The following UBASH3A variants were observed in gnomAD, a reference collection of about 807,000 sequenced individuals.
The protein encoded by UBASH3A is ubiquitin-associated and SH3 domain-containing protein A.
A neutral mutation model predicts 73.5 loss-of-function variants in UBASH3A; 63 were observed. That is an observed-to-expected ratio of 0.86 (90% CI 0.70 to 1.06). The LOEUF (loss-of-function observed/expected upper bound fraction) is 1.06. Ranked by LOEUF, UBASH3A falls within the 50% of genes least tolerant of loss-of-function variation. The probability of loss-of-function intolerance (pLI) is 0.00; values close to 1 mark genes in which losing one functional copy is unlikely to be tolerated. For synonymous variants in UBASH3A, 363 were observed against 351.1 expected, an observed-to-expected ratio of 1.03 and a Z score of -0.38; for missense variants, 860 against 859.0, an observed-to-expected ratio of 1.00 and a Z score of -0.02.
chr21:42,444,799 G>A (rs1369952426), intron 14 of UBASH3A, among the ~76,000 whole-genome samples, 156 bp downstream of exon 14: 1 of 152,226 alleles, frequency 6.6e-6, no homozygotes, highest in African/African-American at 2.4e-5. Context: ...CGGCTCTTAT[G>A]CGAAGGGTGA....
At position 42,413,338 on chromosome 21, in the gene UBASH3A, G is replaced by A. The variant is rs2053139894; in HGVS notation, c.554-72G>A. 5 of 1,540,012 alleles carry A rather than the reference G, an allele frequency of 3.2e-6. 1 individual carries two copies. The Middle Eastern group carries it at 6.6e-4, about 203-fold the overall frequency. ...AGTGGGTGGGTTCCAGGGGAGCAGA[G>A]CCCAGCAGCAATGGTGGGATGGCTG... is the stretch of plus-strand genomic sequence containing the variant. On this transcript the variant is annotated intron_variant, in intron 4 of 14. Transcript: ENST00000319294. The surrounding 1 kb of genome is among the most constrained non-coding windows in gnomAD (Gnocchi z 4.5).
intron 11 of UBASH3A, among the ~76,000 whole-genome samples, chr21:42,439,647 A>C (rs1385873932): frequency 6.6e-6 from 1 of 151,760 alleles, no homozygotes; most frequent in African/African-American, 2.4e-5. Context: ...TACACAGCAC[A>C]CACATCCACA....
chr21:42,427,779 C>T (rs560801342), intron 8 of UBASH3A, among the ~76,000 whole-genome samples: 4 of 152,280 alleles, frequency 2.6e-5, no homozygotes, highest in African/African-American at 9.6e-5. Flanking sequence ...ATTCCCTAGT[C>T]CCCAGGGCCC....
intron 3 of UBASH3A, 70 bp from the exon 4 acceptor site, chr21:42,412,954 T>C: frequency 1.6e-6 from 2 of 1,283,954 alleles, no homozygotes; most frequent in Non-Finnish European, 2.2e-6. Context: ...GCCTGATTGT[T>C]ATTAATTAAA....
Position 42,403,917 on chromosome 21 carries a change from C to A in UBASH3A, c.-29C>A. On this transcript the variant is annotated 5_prime_UTR_variant, in exon 1 of 15. Coordinates refer to ENST00000319294, the MANE Select transcript of UBASH3A (RefSeq NM_018961.4). Reference sequence around the variant, plus strand: ...TTATCTCCTCATTTCTGTGTGCAGGCGAGCTTCTTGGCCTAAGGGCAGGAA... The same window carrying A: ...TTATCTCCTCATTTCTGTGTGCAGGAGAGCTTCTTGGCCTAAGGGCAGGAA... The A allele has an allele frequency of 2.1e-6, 3 of 1,396,094 alleles. No homozygotes were observed. The highest frequency in any genetic ancestry group is 2.9e-6 in the Non-Finnish European group (3 of 1,041,998). The allele number at this position is 1,396,094 out of a possible 1,614,324, so 86.5% of individuals were successfully genotyped here. A position where few individuals can be genotyped will look rare whatever the true frequency, so the allele number is the denominator to read the frequency against.
chr21:42,414,208 GTGTC>G (rs2053158453), intron 5 of UBASH3A, among the ~76,000 whole-genome samples: 2 of 152,170 alleles, frequency 1.3e-5, no homozygotes, highest in African/African-American at 4.8e-5. Context: ...CTCTGGGAGC[GTGTC>G]TGTCTGTGCT....
intron 12 of UBASH3A, 40 bp from the exon 13 acceptor site, chr21:42,443,272 A>C (rs754153642): frequency 1.3e-6 from 2 of 1,593,486 alleles, no homozygotes; most frequent in South Asian, 2.3e-5. Flanking sequence ...AATCCCTACG[A>C]AAGTGCCAGG....
chr21:42,432,378 C>A (rs1293323099), intron 9 of UBASH3A, among the ~76,000 whole-genome samples, 176 bp downstream of exon 9: 1 of 134,146 alleles, frequency 7.5e-6, no homozygotes, highest in South Asian at 2.1e-4. Flanking sequence ...CAGGGGTGTT[C>A]CATGTATGCA....
intron 10 of UBASH3A, among the ~76,000 whole-genome samples, chr21:42,436,990 T>C (rs992417878): frequency 2.6e-5 from 4 of 152,242 alleles, no homozygotes; most frequent in African/African-American, 7.2e-5. Context: ...AGCTCAAGTC[T>C]CCTTCCAGAC....
In UBASH3A at chr21:42,444,582, C is replaced by G; in HGVS notation, c.1787C>G (p.Thr596Arg). ...VSHGSTLDSC[T>R]RPLLGLPPRE... ...CACGGCTCCACTCTGGACTCCTGCACGCGGCCACTGCTCGGGCTGCCGCCC... is the reference window on the plus strand; with the variant it reads ...CACGGCTCCACTCTGGACTCCTGCAGGCGGCCACTGCTCGGGCTGCCGCCC... Residue 596 changes from threonine to arginine, a missense_variant, in exon 14 of 15, where the codon ACG becomes AGG. Thr to Arg is a moderately conservative substitution (Grantham distance 71, BLOSUM62 -1). Coordinates refer to ENST00000319294, the MANE Select transcript of UBASH3A (RefSeq NM_018961.4). 1 of 1,614,152 alleles carries G rather than the reference C, an allele frequency of 6.2e-7. No homozygotes were observed. The highest frequency in any genetic ancestry group is 8.5e-7 in the Non-Finnish European group (1 of 1,180,040).
intron 2 of UBASH3A, among the ~76,000 whole-genome samples, chr21:42,407,190 C>T (rs1406871110): frequency 1.3e-5 from 2 of 152,146 alleles, no homozygotes; most frequent in Non-Finnish European, 2.9e-5. Flanking sequence ...CTCTCCTACC[C>T]GGATGTGCTG....
intron 11 of UBASH3A, among the ~76,000 whole-genome samples, chr21:42,441,341 C>T (rs1387759931): frequency 6.6e-6 from 1 of 151,816 alleles, no homozygotes; most frequent in Non-Finnish European, 1.5e-5. Flanking sequence ...GTCTGGGAAG[C>T]TCTCACACTG....
intron 1 of UBASH3A, among the ~76,000 whole-genome samples, chr21:42,405,983 T>TGGC (rs1414898762): frequency 2.1e-3 from 129 of 60,656 alleles, no homozygotes; most frequent in East Asian, 0.01. Context: ...ATCTAGGCAG[T>TGGC]GGGGGGGGGG....
chr21:42,415,902 G>A (rs1276606216), intron 5 of UBASH3A, among the ~76,000 whole-genome samples: 3 of 152,150 alleles, frequency 2.0e-5, no homozygotes, highest in Admixed American at 2.0e-4. Context: ...AGACTGACCT[G>A]AGAGCCCCTG....
chr21:42,404,047 G>C lies in UBASH3A; in HGVS notation c.102G>C (p.Pro34=). Residue 34 remains proline, a synonymous_variant, in exon 1 of 15, where the codon CCG becomes CCC. Transcript: ENST00000319294. ...LLEPLLAMGF[P]VHTALKALAA... ...AGCCCCTCCTGGCCATGGGCTTCCC[G>C]GTGCACACCGCGTGAGTACTGCCCA... is the stretch of plus-strand genomic sequence containing the variant. 9 of 1,519,214 alleles carry C rather than the reference G, an allele frequency of 5.9e-6. No homozygotes were observed. The highest frequency in any genetic ancestry group is 8.0e-6 in the Non-Finnish European group (9 of 1,128,434). The allele number at this position is 1,519,214 out of a possible 1,614,324, so 94.1% of individuals were successfully genotyped here.
intron 10 of UBASH3A, 55 bp from the exon 11 acceptor site, chr21:42,437,433 C>A: frequency 6.6e-7 from 1 of 1,518,960 alleles, no homozygotes; most frequent in South Asian, 1.1e-5. Context: ...GCTCATCTGC[C>A]ATCAGAGGCT....
rs1331333663 is a variant in UBASH3A, at chr21:42,447,350, G to A, written c.*156G>A. 1.6e-5 allele frequency: 13 copies of A among 814,976 alleles called. No individual in the cohort carries two copies. Among genetic ancestry groups the A allele is most frequent in the African/African-American group, 3.5e-5 (2 of 57,276 alleles). The allele number at this position is 814,976 out of a possible 1,614,324, so 50.5% of individuals were successfully genotyped here. A position where few individuals can be genotyped will look rare whatever the true frequency, so the allele number is the denominator to read the frequency against. ...TTTATATCCCGGAATATTTCCCTCC[G>A]GCTTTCGCCTTTGTAACTCCCATCT... On this transcript the variant is annotated 3_prime_UTR_variant, in exon 15 of 15. Transcript: ENST00000319294.
chr21:42,428,437 C>T lies in UBASH3A; in HGVS notation c.1170+1617C>T, dbSNP rs111294204. On this transcript the variant is annotated intron_variant, in intron 8 of 14. Transcript: ENST00000319294. ...GTTCACCATGTGAGAAAGGCCCAGA[C>T]TTGGGAGAGCCGAGACTCCCCAGGG... 7.3e-3 allele frequency among the ~76,000 whole-genome samples: 1,109 copies of T among 152,136 alleles called. 18 individuals carry two copies. Among genetic ancestry groups the T allele is most frequent in the African/African-American group, 0.023 (974 of 41,472 alleles).
At chr21:42,410,224 G>A (rs2053062102) in intron 3 of UBASH3A, 1 of 698,948 alleles carries the variant, frequency 1.4e-6, no homozygotes, top group Non-Finnish European at 2.6e-6. Flanking sequence ...CAAGAAGAAT[G>A]TGGGAGCTGC....
Sources: allele counts gnomAD v4.1 joint callset (sites outside exome capture counted in the v4.1 genomes callset), GRCh38; gene constraint gnomAD v4.1.1; non-coding constraint Gnocchi (gnomAD v3.1); transcripts MANE v1.5; gene names NCBI Gene and HGNC (gene_info 2026-07-23, HGNC 2026-07-21).